The following BNIPL variants were observed in gnomAD, a reference collection of about 807,000 sequenced individuals.
BNIPL encodes BCL2 interacting protein like.
In BNIPL, 33 loss-of-function variants were observed where a neutral mutation model predicts 47.0. The observed-to-expected ratio is 0.70, with a 90% CI of 0.53 to 0.94. The LOEUF is 0.94. Ranked by LOEUF, BNIPL falls within the 40% of genes least tolerant of loss-of-function variation. The pLI is 0.00. For synonymous variants in BNIPL, 145 were observed against 162.7 expected (o/e 0.89, Z 0.83); for missense variants, 404 against 445.2 (o/e 0.91, Z 0.83).
In BNIPL at chr1:151,037,211, C is replaced by T. The variant is rs1675640754; in HGVS notation, c.42-356C>T. ...CCAGCTCGGTGGAGGAAAGGCAGGC[C>T]TAACTAGGTACCGTCTTCCCGACTT... On this transcript the variant is annotated intron_variant, in intron 1 of 9. Coordinates refer to ENST00000368931, the MANE Select transcript of BNIPL (RefSeq NM_138278.4). 3 of 491,348 alleles carry T rather than the reference C, an allele frequency of 6.1e-6. No homozygotes were observed. In the South Asian group the frequency reaches 1.3e-4, roughly 21 times the overall value. The allele number at this position is 491,348 out of a possible 1,614,324, so 30.4% of individuals were successfully genotyped here.
At chr1:151,045,933 A>G in intron 8 of BNIPL, 50 bp downstream of exon 8, 1 of 1,613,794 alleles carries the variant, frequency 6.2e-7, no homozygotes. Context: ...CCATTTTCAA[A>G]ATCAAGATTA....
Position 151,038,955 on chromosome 1 carries a change from T to G in BNIPL, c.362T>G (p.Leu121Arg), listed in dbSNP as rs1222077591. The change falls in exon 4 of 10, where the codon CTG becomes CGG. Residue 121 changes from leucine (L) to arginine (R), a missense_variant. Physicochemically the swap from Leu to Arg is moderately radical, Grantham distance 102 (BLOSUM62 -2). Transcript: ENST00000368931. ...TCCTCTCCTGATGGCAGTTCTGACC[T>G]GGAGATAGACGAATTGGAGACACCT... ...APSSPDGSSD[L>R]EIDELETPSD... The G allele has an allele frequency of 1.9e-6, 3 of 1,613,056 alleles. No homozygotes were observed. Among genetic ancestry groups the G allele is most frequent in the Non-Finnish European group, 2.5e-6 (3 of 1,179,604 alleles).
intron 7 of BNIPL, 124 bp downstream of exon 7, chr1:151,043,851 C>T: frequency 5.0e-6 from 6 of 1,200,922 alleles, no homozygotes; most frequent in Non-Finnish European, 6.8e-6. Context: ...CCTTTCCCAG[C>T]TCTTTTGTCT....
At chr1:151,038,021 A>T (rs1302140291) in intron 2 of BNIPL, among the ~76,000 whole-genome samples, 1 of 105,520 alleles carries the variant, frequency 9.5e-6, no homozygotes, top group African/African-American at 2.9e-5. Context: ...AAAAAAAAAA[A>T]AAAAAAAAGC....
intron 4 of BNIPL, among the ~76,000 whole-genome samples, chr1:151,040,815 A>G (rs1001215493): frequency 2.0e-5 from 3 of 150,212 alleles, no homozygotes; most frequent in Non-Finnish European, 1.5e-5. Context: ...AAAAAAAAAG[A>G]AGAAGCAGCT....
At position 151,045,338 on chromosome 1, in the gene BNIPL, G is replaced by A. The variant is rs587734929; in HGVS notation, c.852-459G>A. ...TGTAATCCCAGCACTTTGGGAGGCC[G>A]AGGCGGGCAGATCACGAGGTCAGGA... On this transcript the variant is annotated intron_variant, in intron 7 of 9. Coordinates refer to ENST00000368931, the MANE Select transcript of BNIPL (RefSeq NM_138278.4). Among the ~76,000 whole-genome samples the A allele has an allele frequency of 1.5e-4, 23 of 149,582 alleles. No homozygotes were observed. The South Asian group carries it at 3.8e-3, about 25-fold the overall frequency.
chr1:151,041,785 C>G (rs1675830541), intron 4 of BNIPL, among the ~76,000 whole-genome samples: 1 of 152,062 alleles, frequency 6.6e-6, no homozygotes, highest in South Asian at 2.1e-4. Context: ...ACAAGCCTGG[C>G]CAACATGGCA....
rs764878348 is a variant in BNIPL, at chr1:151,038,915, A to G, written c.322A>G (p.Thr108Ala). 1 of 1,613,780 alleles carries G rather than the reference A, an allele frequency of 6.2e-7. No individual in the cohort carries two copies. Among genetic ancestry groups the G allele is most frequent in the East Asian group, 2.2e-5 (1 of 44,864 alleles). ...KGPGNDGASP[T>A]QSAPSSPDGS... ...GCCTGGAAATGATGGAGCTTCACCCACCCAGTCTGCACCTTCCTCTCCTGA... is the reference window on the plus strand; with the variant it reads ...GCCTGGAAATGATGGAGCTTCACCCGCCCAGTCTGCACCTTCCTCTCCTGA... The change falls in exon 4 of 10, where the codon ACC (threonine) becomes GCC (alanine). Residue 108 changes from threonine (T) to alanine (A), a missense_variant. Physicochemically the swap from Thr to Ala is moderately conservative, Grantham distance 58. Coordinates refer to ENST00000368931, the MANE Select transcript of BNIPL (RefSeq NM_138278.4).
At chr1:151,037,508 C>G (rs12070288) in intron 1 of BNIPL, 59 bp from the exon 2 acceptor site, 116,638 of 1,543,758 alleles carry the variant, frequency 0.076, 5,112 homozygotes, top group African/African-American at 0.17. Context: ...TTCTTCATTT[C>G]AATTATTCTT....
At position 151,038,978 on chromosome 1, in the gene BNIPL, C is replaced by A. The variant is rs1280997239; in HGVS notation, c.385C>A (p.Pro129Thr). ...CCTGGAGATAGACGAATTGGAGACACCTTCAGACTCGGAGCAGCTGGACAG... is the reference window on the plus strand; with the variant it reads ...CCTGGAGATAGACGAATTGGAGACAACTTCAGACTCGGAGCAGCTGGACAG... ...SDLEIDELET[P>T]SDSEQLDSGH... The change falls in exon 4 of 10, where the codon CCT becomes ACT. Residue 129 changes from proline to threonine, a missense_variant. Transcript: ENST00000368931. 1 of 1,610,122 alleles carries A rather than the reference C, an allele frequency of 6.2e-7. No individual in the cohort carries two copies. Among genetic ancestry groups the A allele is most frequent in the African/African-American group, 1.3e-5 (1 of 74,712 alleles).
chr1:151,047,599 A>T lies in BNIPL; in HGVS notation c.*912A>T. On this transcript the variant is annotated 3_prime_UTR_variant, in exon 10 of 10. Coordinates refer to ENST00000368931, the MANE Select transcript of BNIPL (RefSeq NM_138278.4). Reference sequence around the variant, plus strand: ...ATGAGACATTTAAGCTCTGCTCCAAAGAAGTGAACGACTCTTTCACCACCC... The same window carrying T: ...ATGAGACATTTAAGCTCTGCTCCAATGAAGTGAACGACTCTTTCACCACCC... 1.8e-6 allele frequency: 1 copy of T among 553,218 alleles called. No homozygotes were observed. The highest frequency in any genetic ancestry group is 3.1e-6 in the Non-Finnish European group (1 of 325,136). 34.3% of individuals were successfully genotyped at this position (553,218 alleles called of 1,614,324 possible). A position where few individuals can be genotyped will look rare whatever the true frequency, so the allele number is the denominator to read the frequency against.
chr1:151,045,706 T>C (rs1675995242), intron 7 of BNIPL, 91 bp from the exon 8 acceptor site: 10 of 1,591,616 alleles, frequency 6.3e-6, no homozygotes, highest in Middle Eastern at 1.7e-4. Context: ...GAGAAGTGAA[T>C]GAAGGAAGTT....
intron 4 of BNIPL, among the ~76,000 whole-genome samples, chr1:151,041,513 C>T (rs1675823591): frequency 6.6e-6 from 1 of 152,114 alleles, no homozygotes; most frequent in Non-Finnish European, 1.5e-5. Flanking sequence ...GTGGGAGTAT[C>T]ACTTGAGCCC....
intron 9 of BNIPL, among the ~76,000 whole-genome samples, 195 bp downstream of exon 9, chr1:151,046,360 TGA>T (rs975097166): frequency 1.5e-4 from 18 of 123,826 alleles, no homozygotes; most frequent in African/African-American, 5.9e-4. Flanking sequence ...CAAGAATAAA[TGA>T]AAAAAAAAAA....
At chr1:151,045,095 A>G in intron 7 of BNIPL, 1 of 470,344 alleles carries the variant, frequency 2.1e-6, no homozygotes, top group South Asian at 3.0e-5. Flanking sequence ...ACAAGTCATT[A>G]TCTCTACTAA....
At chr1:151,043,475 G>T in intron 6 of BNIPL, 41 bp downstream of exon 6, 1 of 1,559,016 alleles carries the variant, frequency 6.4e-7, no homozygotes, top group Non-Finnish European at 8.8e-7. Flanking sequence ...CAGTGTTAGG[G>T]AGGGAAAAGT....
In BNIPL at chr1:151,043,333, T is replaced by A; in HGVS notation, c.618T>A (p.Gly206=). The A allele has an allele frequency of 6.2e-7, 1 of 1,601,598 alleles. No individual in the cohort carries two copies. The highest frequency in any genetic ancestry group is 8.6e-7 in the Non-Finnish European group (1 of 1,168,598). ...EPYKKVLSHG[G]YHGDGLNAVI... is the part of the protein sequence containing the mutation. Reference sequence around the variant, plus strand: ...GAATTTTCCCCTTACACTCTCCAGGTTACCACGGTGATGGCCTCAATGCTG... The same window carrying A: ...GAATTTTCCCCTTACACTCTCCAGGATACCACGGTGATGGCCTCAATGCTG... Residue 206 remains glycine, a splice_region_variant and synonymous_variant, in exon 6 of 10, where the codon GGT becomes GGA. Transcript: ENST00000368931.
chr1:151,046,495 T>TG, intron 9 of BNIPL, among the ~76,000 whole-genome samples, 156 bp from the exon 10 acceptor site: 1 of 148,676 alleles, frequency 6.7e-6, no homozygotes, highest in South Asian at 2.1e-4. Flanking sequence ...TGATATCCAG[T>TG]GGGGGAGAGG....
rs770547805 is a variant in BNIPL, at chr1:151,038,764, C to T, written c.203-32C>T. 2.6e-6 allele frequency: 4 copies of T among 1,558,440 alleles called. No homozygotes were observed. The African/African-American group carries it at 4.1e-5, about 16-fold the overall frequency. ...CTCTCGGCTCTCCAACACACACACC[C>T]ATCTTGGTTCTCTTTTTCCCCCTTT... On this transcript the variant is annotated intron_variant, in intron 3 of 9. Transcript: ENST00000368931.
Sources: gnomAD v4.1 joint callset for allele counts (sites outside exome capture counted in the v4.1 genomes callset) on GRCh38, gnomAD v4.1.1 for gene constraint, MANE v1.5 for transcripts, NCBI Gene and HGNC (gene_info 2026-07-23, HGNC 2026-07-21) for gene names.